Variants in TENM3 observed in about 807,000 individuals in gnomAD.
The protein encoded by TENM3 is teneurin transmembrane protein 3.
A neutral mutation model predicts 255.1 loss-of-function variants in TENM3; 63 were observed. The ratio of observed to expected loss-of-function variants is 0.25; its 90% CI spans 0.20 to 0.30. The LOEUF (loss-of-function observed/expected upper bound fraction) is 0.30. TENM3 is among the 10% of genes least tolerant of loss of function. The pLI is 1.00. For synonymous variants in TENM3, 1,306 were observed against 1,322.3 expected, an observed-to-expected ratio of 0.99 and a Z score of 0.27; for missense variants, 2,929 against 3,461.1, an observed-to-expected ratio of 0.85 and a Z score of 3.86.
intron 5 of TENM3, among the ~76,000 whole-genome samples, chr4:182,630,482 A>G (rs1469524711): frequency 6.6e-6 from 1 of 152,140 alleles, no homozygotes; most frequent in East Asian, 1.9e-4. Flanking sequence ...AAGAATATGT[A>G]TTTGAACTGA....
chr4:182,194,260 G>A (rs1223970277), intron 1 of TENM3, among the ~76,000 whole-genome samples: 2 of 152,096 alleles, frequency 1.3e-5, no homozygotes, highest in Non-Finnish European at 2.9e-5. Context: ...CGTTGTTTCT[G>A]AGCAGAATTG....
chr4:182,785,888 C>A (rs1190105565), intron 24 of TENM3, among the ~76,000 whole-genome samples: 4 of 151,974 alleles, frequency 2.6e-5, no homozygotes, highest in African/African-American at 7.3e-5. Flanking sequence ...TCACAACACC[C>A]AAAGGAGAAG....
In TENM3 at chr4:182,792,862, T is replaced by TATG. The variant is rs1395490457; in HGVS notation, c.6193_6195dup (p.Asp2065dup). The stretch of plus-strand genomic sequence containing the variant: ...GTTTGGAAAGTTTGGAGTTATATAT[T>TATG]ATGATATTAACCAGATCATTTCTAC... On this transcript the variant is annotated inframe_insertion, in exon 26 of 28. Transcript: ENST00000511685. The surrounding 1 kb of genome is among the most constrained non-coding windows in gnomAD (Gnocchi z 6.3). 2 of 1,613,828 alleles carry TATG rather than the reference T, an allele frequency of 1.2e-6. No homozygotes were observed. Among genetic ancestry groups the TATG allele is most frequent in the East Asian group, 4.5e-5 (2 of 44,882 alleles).
chr4:182,361,835 C>T (rs898077349), intron 3 of TENM3, among the ~76,000 whole-genome samples: 5 of 151,240 alleles, frequency 3.3e-5, no homozygotes, highest in East Asian at 1.9e-4. Context: ...GTTTTTTCCC[C>T]GTCTTTGTGG....
At chr4:182,169,953 C>A (rs1321526434) in intron 1 of TENM3, among the ~76,000 whole-genome samples, 3 of 151,384 alleles carry the variant, frequency 2.0e-5, no homozygotes, top group Non-Finnish European at 4.4e-5. Flanking sequence ...TAAAGTGAAT[C>A]GCTTATAGTT....
chr4:182,335,330 C>T (rs1316802697), intron 2 of TENM3, among the ~76,000 whole-genome samples: 1 of 123,768 alleles, frequency 8.1e-6, no homozygotes, highest in East Asian at 2.3e-4. Flanking sequence ...CCCGTCTCTA[C>T]TAAAAATACA....
chr4:181,497,135 A>G, the TENM3 span, among the ~76,000 whole-genome samples: 9 of 152,172 alleles, frequency 5.9e-5, no homozygotes, highest in Admixed American at 2.0e-4. Context: ...AATAGACAGC[A>G]TCCCATAGAT....
intron 1 of TENM3, among the ~76,000 whole-genome samples, chr4:182,322,211 C>T (rs28450814): frequency 0.14 from 21,245 of 151,944 alleles, 1,944 homozygotes; most frequent in African/African-American, 0.26. Flanking sequence ...AAAATAAAAA[C>T]CAAATTCATG....
chr4:181,556,617 G>A, the TENM3 span, among the ~76,000 whole-genome samples: 1 of 152,052 alleles, frequency 6.6e-6, no homozygotes, highest in Non-Finnish European at 1.5e-5. Flanking sequence ...GCATGATTTA[G>A]TATATAAAGA....
intron 1 of TENM3, among the ~76,000 whole-genome samples, chr4:182,224,142 A>C: frequency 6.6e-6 from 1 of 152,234 alleles, no homozygotes; most frequent in East Asian, 1.9e-4. Context: ...TTAATATTTT[A>C]ATTGAAAAAT....
Position 182,304,526 on chromosome 4 carries a change from T to A in TENM3, c.-75-19420T>A, listed in dbSNP as rs183592906. ...TGTGCCCGGCCAAGATAATTTTTTTTAATTAAAATTGGCTGTATTGTCTCA... is the reference window on the plus strand; with the variant it reads ...TGTGCCCGGCCAAGATAATTTTTTTAAATTAAAATTGGCTGTATTGTCTCA... On this transcript the variant is annotated intron_variant, in intron 1 of 27. Coordinates refer to ENST00000511685, the MANE Select transcript of TENM3 (RefSeq NM_001080477.4). Among the ~76,000 whole-genome samples, 13 of 152,284 alleles carry A rather than the reference T, an allele frequency of 8.5e-5. No homozygotes were observed. The South Asian group carries it at 1.7e-3, about 19-fold the overall frequency.
chr4:182,514,101 G>A (rs946578448), intron 3 of TENM3, among the ~76,000 whole-genome samples: 5 of 152,226 alleles, frequency 3.3e-5, no homozygotes, highest in African/African-American at 1.2e-4. Context: ...CTTGGGAACC[G>A]TGAGTAACAA....
At chr4:181,964,950 T>G in the TENM3 span, among the ~76,000 whole-genome samples, 1 of 152,162 alleles carries the variant, frequency 6.6e-6, no homozygotes, top group African/African-American at 2.4e-5. Context: ...GTTAGGGCAT[T>G]TTCTTGACAA....
At chr4:182,433,565 G>GT (rs1301499025) in intron 3 of TENM3, among the ~76,000 whole-genome samples, 1 of 152,208 alleles carries the variant, frequency 6.6e-6, no homozygotes, top group Non-Finnish European at 1.5e-5. Context: ...CAGAAAAAGG[G>GT]TAGGGGCATG....
At chr4:182,180,079 CACTAGA>C (rs930082095) in intron 1 of TENM3, among the ~76,000 whole-genome samples, 7 of 151,240 alleles carry the variant, frequency 4.6e-5, no homozygotes, top group African/African-American at 1.7e-4. Context: ...ATTGCACATG[CACTAGA>C]AATTTAAATA....
At chr4:181,987,337 A>G in the TENM3 span, among the ~76,000 whole-genome samples, 1 of 152,142 alleles carries the variant, frequency 6.6e-6, no homozygotes, top group Non-Finnish European at 1.5e-5. Flanking sequence ...CGATAAGAAG[A>G]AAACCAACGG....
chr4:182,748,508 C>T (rs1448794510), intron 19 of TENM3, among the ~76,000 whole-genome samples: 7 of 152,200 alleles, frequency 4.6e-5, no homozygotes, highest in East Asian at 3.9e-4. Flanking sequence ...AAAGCAAGCA[C>T]GAGCTCACAC....
intron 12 of TENM3, among the ~76,000 whole-genome samples, chr4:182,710,994 G>A (rs547493339): frequency 6.6e-6 from 1 of 152,268 alleles, no homozygotes; most frequent in South Asian, 2.1e-4. Flanking sequence ...AAAATAAACA[G>A]GATCTTAGAA....
chr4:181,983,779 G>GA, the TENM3 span, among the ~76,000 whole-genome samples: 2 of 151,758 alleles, frequency 1.3e-5, no homozygotes, highest in East Asian at 1.9e-4. Context: ...ATCTACTTGG[G>GA]AAAAAAGCCA....
Sources: allele counts gnomAD v4.1 joint callset (sites outside exome capture counted in the v4.1 genomes callset), GRCh38; gene constraint gnomAD v4.1.1; non-coding constraint Gnocchi (gnomAD v3.1); transcripts MANE v1.5; gene names NCBI Gene and HGNC (gene_info 2026-07-23, HGNC 2026-07-21).